SPTLC3: variants seen among roughly 807,000 people sequenced by gnomAD.
SPTLC3 encodes serine palmitoyltransferase long chain base subunit 3, also known as serine palmitoyltransferase 3.
A neutral mutation model predicts 59.3 loss-of-function variants in SPTLC3; 36 were observed. That is an observed-to-expected ratio of 0.61 (90% CI 0.47 to 0.80). SPTLC3 has a LOEUF of 0.80. Among genes scored for constraint, SPTLC3 ranks in the 30% least tolerant of loss-of-function variants. The pLI is 0.00. For missense variants in SPTLC3, 625 were observed against 685.1 expected (o/e 0.91, Z 0.98); for synonymous variants, 257 against 240.8 (o/e 1.07, Z -0.62).
rs2039018380 is a variant in SPTLC3, at chr20:13,169,001, G to A, written c.*4134G>A. ...TGTCTTTGTGTGTGTGAGAAGGACAGAGAGAAATGTATGTTTCACTGAAAC... is the reference window on the plus strand; with the variant it reads ...TGTCTTTGTGTGTGTGAGAAGGACAAAGAGAAATGTATGTTTCACTGAAAC... On this transcript the variant is annotated 3_prime_UTR_variant, in exon 12 of 12. Coordinates refer to ENST00000399002, the MANE Select transcript of SPTLC3 (RefSeq NM_018327.4). 6.9e-6 allele frequency: 1 copy of A among 144,780 alleles called. No individual in the cohort carries two copies. The allele number at this position is 144,780 out of a possible 1,614,324, so 9.0% of individuals were successfully genotyped here.
chr20:13,133,213 G>T (rs180843797), intron 9 of SPTLC3, among the ~76,000 whole-genome samples: 1 of 151,712 alleles, frequency 6.6e-6, no homozygotes, highest in African/African-American at 2.4e-5. Flanking sequence ...TATAGTTCCC[G>T]CTGCACAAGT....
chr20:13,036,002 A>G (rs1986717554), intron 1 of SPTLC3, among the ~76,000 whole-genome samples: 1 of 152,136 alleles, frequency 6.6e-6, no homozygotes, highest in Admixed American at 6.6e-5. Context: ...CACTTGCATA[A>G]CTTCAGTCAT....
At chr20:13,075,266 G>C (rs1568590003) in intron 4 of SPTLC3, among the ~76,000 whole-genome samples, 1 of 152,114 alleles carries the variant, frequency 6.6e-6, no homozygotes, top group Non-Finnish European at 1.5e-5. Context: ...TCCCAGTCTA[G>C]CTCAGCTTTC....
At chr20:13,065,388 C>G in intron 2 of SPTLC3, among the ~76,000 whole-genome samples, 1 of 150,192 alleles carries the variant, frequency 6.7e-6, no homozygotes, top group Non-Finnish European at 1.5e-5. Flanking sequence ...TCTAGTTTAC[C>G]TTCTATTATT....
intron 10 of SPTLC3, 33 bp from the exon 11 acceptor site, chr20:13,159,970 C>CTTTTTT: frequency 8.6e-7 from 1 of 1,163,930 alleles, no homozygotes; most frequent in African/African-American, 1.6e-5. Flanking sequence ...CAACTAACCA[C>CTTTTTT]TTTTTTTTTT....
chr20:13,020,480 A>G (rs1179562937), intron 1 of SPTLC3, among the ~76,000 whole-genome samples: 1 of 152,118 alleles, frequency 6.6e-6, no homozygotes, highest in African/African-American at 2.4e-5. Flanking sequence ...GTGAGCTGTG[A>G]TTGCTCCACT....
intron 4 of SPTLC3, among the ~76,000 whole-genome samples, chr20:13,081,015 T>C (rs999908501): frequency 8.5e-5 from 13 of 152,180 alleles, no homozygotes; most frequent in African/African-American, 2.9e-4. Context: ...TGGGATTAAG[T>C]TGCTTAAACT....
intron 7 of SPTLC3, among the ~76,000 whole-genome samples, chr20:13,112,018 C>T (rs73259037): frequency 0.08 from 12,130 of 152,246 alleles, 812 homozygotes; most frequent in African/African-American, 0.18. Context: ...CAGAGTGGTA[C>T]CAAACCACAA....
intron 1 of SPTLC3, among the ~76,000 whole-genome samples, chr20:13,045,003 A>G (rs200307451): frequency 8.9e-5 from 2 of 22,538 alleles, no homozygotes; most frequent in Non-Finnish European, 1.5e-4. Flanking sequence ...CACCACACAC[A>G]CACACACACA....
intron 6 of SPTLC3, among the ~76,000 whole-genome samples, chr20:13,103,359 T>C (rs528012621): frequency 6.6e-6 from 1 of 152,178 alleles, no homozygotes; most frequent in Admixed American, 6.5e-5. Context: ...ACTTACTATT[T>C]CACATTTGGG....
At chr20:13,116,817 A>G (rs948655569) in intron 7 of SPTLC3, among the ~76,000 whole-genome samples, 1 of 152,202 alleles carries the variant, frequency 6.6e-6, no homozygotes, top group African/African-American at 2.4e-5. Context: ...AGCCCACCCA[A>G]TACCGACTGA....
At chr20:13,056,184 A>G (rs912817775) in intron 2 of SPTLC3, among the ~76,000 whole-genome samples, 6 of 152,230 alleles carry the variant, frequency 3.9e-5, no homozygotes, top group African/African-American at 1.2e-4. Flanking sequence ...GGAGAAATGC[A>G]TTGCATTAAA....
chr20:13,137,562 C>T (rs2038277004), intron 9 of SPTLC3, among the ~76,000 whole-genome samples: 1 of 151,966 alleles, frequency 6.6e-6, no homozygotes, highest in Non-Finnish European at 1.5e-5. Flanking sequence ...TGTTCTGTTC[C>T]TTCATTGTGA....
intron 9 of SPTLC3, among the ~76,000 whole-genome samples, chr20:13,140,453 G>A (rs1318551242): frequency 6.6e-6 from 1 of 152,160 alleles, no homozygotes; most frequent in East Asian, 1.9e-4. Flanking sequence ...GCACGAGACT[G>A]AATTCTGAGC....
chr20:13,100,850 G>A (rs1989575966), intron 6 of SPTLC3, among the ~76,000 whole-genome samples: 1 of 152,110 alleles, frequency 6.6e-6, no homozygotes, highest in African/African-American at 2.4e-5. Context: ...AAATCACAGG[G>A]GTCAAAATGC....
chr20:13,075,598 C>T (rs1288866948), intron 4 of SPTLC3, among the ~76,000 whole-genome samples: 2 of 152,124 alleles, frequency 1.3e-5, no homozygotes, highest in Non-Finnish European at 2.9e-5. Flanking sequence ...CATTTTGAGG[C>T]ATAAGGGCTG....
intron 9 of SPTLC3, among the ~76,000 whole-genome samples, chr20:13,148,572 C>T (rs1292100294): frequency 6.6e-6 from 1 of 152,144 alleles, no homozygotes; most frequent in Non-Finnish European, 1.5e-5. Flanking sequence ...AAGAGGCTAC[C>T]ACATATGCCC....
At chr20:13,041,632 T>C (rs73081573) in intron 1 of SPTLC3, among the ~76,000 whole-genome samples, 3 of 152,334 alleles carry the variant, frequency 2.0e-5, no homozygotes, top group African/African-American at 4.8e-5. Flanking sequence ...GTTGTTCTTA[T>C]GTAGATCACA....
At chr20:13,020,009 C>A (rs1985784999) in intron 1 of SPTLC3, among the ~76,000 whole-genome samples, 1 of 152,130 alleles carries the variant, frequency 6.6e-6, no homozygotes, top group Non-Finnish European at 1.5e-5. Context: ...TTCCTCAGAT[C>A]CCCAGATTAG....
Sources: gnomAD v4.1 joint callset for allele counts (sites outside exome capture counted in the v4.1 genomes callset) on GRCh38, gnomAD v4.1.1 for gene constraint, MANE v1.5 for transcripts, NCBI Gene and HGNC (gene_info 2026-07-23, HGNC 2026-07-21) for gene names.